Variants in KRT18 observed in about 807,000 individuals in gnomAD.
The protein encoded by KRT18 is keratin, type I cytoskeletal 18.
KRT18 carries 8 observed loss-of-function variants against 39.9 expected under a neutral mutation model. That is an observed-to-expected ratio of 0.20 (90% CI 0.12 to 0.36). The LOEUF (loss-of-function observed/expected upper bound fraction) is 0.36, where lower values mean the gene tolerates loss of function less well. KRT18 is among the 10% of genes least tolerant of loss of function. KRT18 has a pLI of 1.00. For missense variants in KRT18, 396 were observed against 565.7 expected, an observed-to-expected ratio of 0.70 and a Z score of 3.04; for synonymous variants, 194 against 227.8, an observed-to-expected ratio of 0.85 and a Z score of 1.33.
rs1356954942 is a variant in KRT18 at position 52,949,129 on chromosome 12, C to A, written c.-45C>A. The stretch of plus-strand genomic sequence containing the variant: ...CGCGGCTCGCGCAGGCCGCCACCGT[C>A]GTCCGCAAAGCCTGAGTCCTGTCCT... On this transcript the variant is annotated 5_prime_UTR_variant, in exon 1 of 7. Coordinates refer to ENST00000388835, the MANE Select transcript of KRT18 (RefSeq NM_000224.3). 3 of 1,573,560 alleles carry A rather than the reference C, an allele frequency of 1.9e-6. No individual in the cohort carries two copies. In the African/African-American group the frequency reaches 4.0e-5, roughly 21 times the overall value.
rs1476836240 is a variant in KRT18 at position 52,950,867 on chromosome 12, C to G, written c.618C>G (p.Leu206=). 6.3e-7 allele frequency: 1 copy of G among 1,596,628 alleles called. No homozygotes were observed. Among genetic ancestry groups the G allele is most frequent in the African/African-American group, 1.3e-5 (1 of 74,618 alleles). The change falls in exon 3 of 7, where the codon CTC becomes CTG. Residue 206 remains leucine (L), a synonymous_variant. Transcript: ENST00000388835. ...RLQLETEIEA[L]KEELLFMKKN... is the part of the protein sequence containing the mutation. ...AGCTGGAGACAGAGATCGAGGCTCT[C>G]AAGGAGGAGCTGCTCTTCATGAAGA... is the stretch of plus-strand genomic sequence containing the variant.
chr12:52,948,855 A>G (rs1942399482), upstream of KRT18: 6 of 419,078 alleles, frequency 1.4e-5, 1 homozygote, highest in Non-Finnish European at 2.5e-5. Flanking sequence ...TAATAACGTC[A>G]TTTCCTGCCC....
chr12:52,952,431 G>A (rs1406458293), intron 6 of KRT18, 89 bp downstream of exon 6: 1 of 942,252 alleles, frequency 1.1e-6, no homozygotes, highest in East Asian at 2.6e-5. Flanking sequence ...CCATGTGTCT[G>A]TTCACTGGTA....
chr12:52,952,594 C>T (rs548263579), intron 6 of KRT18, 128 bp from the exon 7 acceptor site: 1 of 1,100,166 alleles, frequency 9.1e-7, no homozygotes, highest in South Asian at 1.3e-5. Flanking sequence ...TTTCCCTTTT[C>T]TGGAGGAAGA....
chr12:52,949,980 A>T, intron 1 of KRT18: 1 of 612,874 alleles, frequency 1.6e-6, no homozygotes, highest in Non-Finnish European at 2.9e-6. Context: ...GGGAGGAGCC[A>T]ATCCAGGGTG....
In KRT18 at chr12:52,949,226, C is replaced by G. The variant is rs147350452; in HGVS notation, c.53C>G (p.Ser18Cys). ...TFSTNYRSLG[S>C]VQAPSYGARP... ...TCCACCAACTACCGGTCCCTGGGCT[C>G]TGTCCAGGCGCCCAGCTACGGCGCC... is the stretch of plus-strand genomic sequence containing the variant. The change falls in exon 1 of 7, where the codon TCT becomes TGT. Residue 18 changes from serine to cysteine, a missense_variant. Ser to Cys is a moderately radical substitution (Grantham distance 112). Transcript: ENST00000388835. 1.1e-4 allele frequency: 174 copies of G among 1,611,516 alleles called. No homozygotes were observed. Among genetic ancestry groups the G allele is most frequent in the Non-Finnish European group, 1.4e-4 (166 of 1,179,872 alleles).
chr12:52,949,107 G>T, upstream of KRT18: 1 of 1,360,128 alleles, frequency 7.4e-7, no homozygotes, highest in South Asian at 1.2e-5. Flanking sequence ...CGGGTCGCGC[G>T]GCTCGCGCAG....
chr12:52,952,187 C>T lies in KRT18; in HGVS notation c.1017C>T (p.Asn339=), dbSNP rs372449912. 20 of 1,587,964 alleles carry T rather than the reference C, an allele frequency of 1.3e-5. No individual in the cohort carries two copies. The highest frequency in any genetic ancestry group is 8.0e-5 in the African/African-American group (6 of 74,600). The change falls in exon 6 of 7, where the codon AAC becomes AAT. Residue 339 remains asparagine, a synonymous_variant. Coordinates refer to ENST00000388835, the MANE Select transcript of KRT18 (RefSeq NM_000224.3). ...ARYALQMEQL[N]GILLHLESEL... ...ACGCCCTACAGATGGAGCAGCTCAA[C>T]GGGATCCTGCTGCACCTTGAGTCAG... is the stretch of plus-strand genomic sequence containing the variant.
chr12:52,949,961 C>T (rs368110197), intron 1 of KRT18: 6 of 615,084 alleles, frequency 9.8e-6, no homozygotes, highest in South Asian at 7.8e-5. Flanking sequence ...AAACAAGAGG[C>T]CTTCCTTTGG....
At chr12:52,949,081 A>G, upstream of KRT18, 1 of 1,202,676 alleles carries the variant, frequency 8.3e-7, no homozygotes, top group South Asian at 1.2e-5. Flanking sequence ...GCGGGGCCTC[A>G]CTCTGCGATA....
rs1355185338 is a variant in KRT18, at chr12:52,951,789, C to T, written c.881C>T (p.Thr294Met). ...TQSAEVGAAE[T>M]TLTELRRTVQ... The stretch of plus-strand genomic sequence containing the variant: ...TCTGCTGAGGTTGGAGCTGCTGAGA[C>T]GACGCTCACAGAGCTGAGACGTACA... Residue 294 changes from threonine (T) to methionine (M), a missense_variant, in exon 5 of 7, where the codon ACG becomes ATG. Physicochemically the swap from Thr to Met is moderately conservative, Grantham distance 81. Transcript: ENST00000388835. 6 of 1,612,338 alleles carry T rather than the reference C, an allele frequency of 3.7e-6. No homozygotes were observed. The highest frequency in any genetic ancestry group is 1.3e-5 in the African/African-American group (1 of 75,036).
chr12:52,952,031 AG>A, intron 5 of KRT18, 87 bp from the exon 6 acceptor site: 1 of 1,301,440 alleles, frequency 7.7e-7, no homozygotes, highest in Non-Finnish European at 1.1e-6. Context: ...GGCACATAGC[AG>A]GTGCCCAAAA....
chr12:52,952,199 G>A lies in KRT18; in HGVS notation c.1029G>A (p.Leu343=), dbSNP rs1942503243. The change falls in exon 6 of 7, where the codon CTG becomes CTA. Residue 343 remains leucine (L), a synonymous_variant. Transcript: ENST00000388835. ...LQMEQLNGIL[L]HLESELAQTR... ...TGGAGCAGCTCAACGGGATCCTGCT[G>A]CACCTTGAGTCAGAGCTGGCACAGA... 2 of 1,592,606 alleles carry A rather than the reference G, an allele frequency of 1.3e-6. No individual in the cohort carries two copies. The highest frequency in any genetic ancestry group is 8.5e-7 in the Non-Finnish European group (1 of 1,170,130).
chr12:52,952,447 T>C, intron 6 of KRT18, 105 bp downstream of exon 6: 1 of 862,166 alleles, frequency 1.2e-6, no homozygotes, highest in Non-Finnish European at 1.9e-6. Flanking sequence ...TGGTATCCAC[T>C]GAGCACTGGG....
rs769987846 is a variant in KRT18 at position 52,949,377 on chromosome 12, C to T, written c.204C>T (p.Ala68=). The T allele has an allele frequency of 1.2e-6, 2 of 1,610,736 alleles. No homozygotes were observed. Among genetic ancestry groups the T allele is most frequent in the Non-Finnish European group, 1.7e-6 (2 of 1,179,814 alleles). ...MGSGGLATGI[A]GGLAGMGGIQ... is the part of the protein sequence containing the mutation. ...CCGGGGGCCTGGCCACCGGGATAGC[C>T]GGGGGTCTGGCAGGAATGGGAGGCA... The change falls in exon 1 of 7, where the codon GCC becomes GCT. Residue 68 remains alanine, a synonymous_variant. Transcript: ENST00000388835.
intron 5 of KRT18, 75 bp from the exon 6 acceptor site, chr12:52,952,044 A>T: frequency 7.3e-7 from 1 of 1,375,984 alleles, no homozygotes. Flanking sequence ...TGCCCAAAAA[A>T]GTTTCCAAAA....
In KRT18 at chr12:52,952,340, T is replaced by C; in HGVS notation, c.1170T>C (p.Phe390=). 1 of 1,586,690 alleles carries C rather than the reference T, an allele frequency of 6.3e-7. No individual in the cohort carries two copies. The highest frequency in any genetic ancestry group is 1.1e-5 in the South Asian group (1 of 88,206). ...GCCTGCTGGAAGATGGCGAGGACTT[T>C]AAGTGAGTGGGGCTCTCCTACCCAC... The part of the protein sequence containing the change: ...YRRLLEDGED[F]NLGDALDSSN... Residue 390 remains phenylalanine (F), a splice_region_variant and synonymous_variant, in exon 6 of 7, where the codon TTT becomes TTC. Coordinates refer to ENST00000388835, the MANE Select transcript of KRT18 (RefSeq NM_000224.3).
At chr12:52,951,345 G>T in intron 3 of KRT18, 136 bp from the exon 4 acceptor site, 1 of 878,032 alleles carries the variant, frequency 1.1e-6, no homozygotes, top group Non-Finnish European at 1.9e-6. Context: ...AACTGGCATT[G>T]CCCTGAGTGC....
At chr12:52,950,110 G>T in intron 1 of KRT18, 1 of 668,182 alleles carries the variant, frequency 1.5e-6, no homozygotes, top group Non-Finnish European at 2.7e-6. Flanking sequence ...CCAGCCTGCT[G>T]AGGCTTCCCA....
Sources: gnomAD v4.1 joint callset for allele counts on GRCh38, gnomAD v4.1.1 for gene constraint, MANE v1.5 for transcripts, NCBI Gene and HGNC (gene_info 2026-07-23, HGNC 2026-07-21) for gene names.